KCTD8: variants seen among roughly 807,000 people sequenced by gnomAD.
KCTD8 encodes the protein BTB/POZ domain-containing protein KCTD8.
In KCTD8, 27 loss-of-function variants were observed where a neutral mutation model predicts 31.5. The observed-to-expected ratio is 0.86, with a 90% confidence interval of 0.63 to 1.18. KCTD8 has a LOEUF of 1.18. Ranked by LOEUF, KCTD8 falls within the 50% of genes most tolerant of loss-of-function variation. KCTD8 has a pLI of 0.00. For synonymous variants in KCTD8, 290 were observed against 280.0 expected (o/e 1.04, Z -0.36); for missense variants, 658 against 647.7 (o/e 1.02, Z -0.17).
intron 1 of KCTD8, among the ~76,000 whole-genome samples, chr4:44,437,586 T>C (rs753495281): frequency 5.3e-5 from 8 of 152,162 alleles, no homozygotes; most frequent in Non-Finnish European, 8.8e-5. Context: ...GAAAAGGTGT[T>C]TCACCTCAGT....
chr4:44,237,462 T>C (rs911212340), intron 1 of KCTD8, among the ~76,000 whole-genome samples: 1 of 152,306 alleles, frequency 6.6e-6, no homozygotes, highest in South Asian at 2.1e-4. Flanking sequence ...GAGTGGCCTG[T>C]AGTTCTGAGT....
chr4:44,347,796 T>C (rs111784237), intron 1 of KCTD8, among the ~76,000 whole-genome samples: 3 of 152,210 alleles, frequency 2.0e-5, no homozygotes, highest in Admixed American at 6.6e-5. Context: ...AGCAGTATTA[T>C]ATGCATAAAA....
chr4:44,353,692 T>C (rs957111192), intron 1 of KCTD8, among the ~76,000 whole-genome samples: 3 of 152,086 alleles, frequency 2.0e-5, no homozygotes, highest in Non-Finnish European at 4.4e-5. Flanking sequence ...ACCTCCCACA[T>C]ATTAGTGAAA....
At chr4:44,380,986 T>A (rs1193384201) in intron 1 of KCTD8, among the ~76,000 whole-genome samples, 2 of 152,060 alleles carry the variant, frequency 1.3e-5, no homozygotes, top group African/African-American at 4.8e-5. Context: ...TAAAATGTCA[T>A]AAACATTTGT....
chr4:44,444,036 G>C (rs1485749822), intron 1 of KCTD8, among the ~76,000 whole-genome samples: 2 of 152,102 alleles, frequency 1.3e-5, no homozygotes, highest in East Asian at 3.8e-4. Flanking sequence ...ATATGTTGCA[G>C]TGTACTAAAA....
chr4:44,285,152 A>G (rs1380724139), intron 1 of KCTD8, among the ~76,000 whole-genome samples: 1 of 152,228 alleles, frequency 6.6e-6, no homozygotes, highest in African/African-American at 2.4e-5. Flanking sequence ...AAATCATTCT[A>G]TGATAAAGAC....
chr4:44,355,908 C>T (rs1719329268), intron 1 of KCTD8, among the ~76,000 whole-genome samples: 1 of 149,984 alleles, frequency 6.7e-6, no homozygotes, highest in Admixed American at 6.7e-5. Context: ...TAAGTATAAT[C>T]ATTAAAGTAT....
chr4:44,388,950 A>C (rs540156383), intron 1 of KCTD8, among the ~76,000 whole-genome samples: 4 of 152,038 alleles, frequency 2.6e-5, no homozygotes, highest in Admixed American at 2.0e-4. Context: ...CATAAAAATG[A>C]ATGAAATCCT....
At chr4:44,400,226 G>A (rs1720611910) in intron 1 of KCTD8, among the ~76,000 whole-genome samples, 1 of 152,066 alleles carries the variant, frequency 6.6e-6, no homozygotes, top group South Asian at 2.1e-4. Flanking sequence ...GGCTTGTATT[G>A]CCTACCCAAC....
At chr4:44,356,391 A>T (rs1719342885) in intron 1 of KCTD8, among the ~76,000 whole-genome samples, 1 of 152,238 alleles carries the variant, frequency 6.6e-6, no homozygotes, top group Admixed American at 6.5e-5. Flanking sequence ...ATTGACAGTT[A>T]TTCAAGGAGA....
intron 1 of KCTD8, among the ~76,000 whole-genome samples, chr4:44,229,737 AAAAC>A (rs754342895): frequency 1.2e-4 from 18 of 152,106 alleles, no homozygotes; most frequent in Non-Finnish European, 2.2e-4. Flanking sequence ...CTTTTAAATG[AAAAC>A]AAACAGACAA....
chr4:44,368,537 C>T (rs1320821907), intron 1 of KCTD8, among the ~76,000 whole-genome samples: 1 of 152,132 alleles, frequency 6.6e-6, no homozygotes, highest in Non-Finnish European at 1.5e-5. Context: ...GTATGAAGAA[C>T]CCTTACAAAT....
intron 1 of KCTD8, among the ~76,000 whole-genome samples, chr4:44,391,385 C>T (rs1720365849): frequency 6.6e-6 from 1 of 151,876 alleles, no homozygotes; most frequent in South Asian, 2.1e-4. Context: ...CTACCTCCTC[C>T]ACCTCTTCCA....
At chr4:44,354,588 T>C (rs1560434145) in intron 1 of KCTD8, among the ~76,000 whole-genome samples, 1 of 152,146 alleles carries the variant, frequency 6.6e-6, no homozygotes, top group Non-Finnish European at 1.5e-5. Context: ...TATCAACTTA[T>C]TGAGCACTTA....
intron 1 of KCTD8, among the ~76,000 whole-genome samples, chr4:44,275,724 C>T (rs977336): frequency 6.6e-6 from 1 of 151,980 alleles, no homozygotes; most frequent in Non-Finnish European, 1.5e-5. Flanking sequence ...CAAACTGGTT[C>T]TAGGAAGTGG....
chr4:44,338,081 C>T (rs1330052801), intron 1 of KCTD8, among the ~76,000 whole-genome samples: 1 of 151,812 alleles, frequency 6.6e-6, no homozygotes, highest in Admixed American at 6.6e-5. Flanking sequence ...CATCATCAAC[C>T]TCTTATTATA....
chr4:44,364,757 G>A (rs573633306), intron 1 of KCTD8, among the ~76,000 whole-genome samples: 1 of 152,120 alleles, frequency 6.6e-6, no homozygotes, highest in African/African-American at 2.4e-5. Flanking sequence ...GAAATGACAT[G>A]GAGGGAACTT....
intron 1 of KCTD8, among the ~76,000 whole-genome samples, chr4:44,209,885 A>G (rs1422204453): frequency 6.6e-6 from 1 of 152,222 alleles, no homozygotes; most frequent in Non-Finnish European, 1.5e-5. Flanking sequence ...AGATTGAAGT[A>G]GTAAAAATGT....
intron 1 of KCTD8, among the ~76,000 whole-genome samples, chr4:44,388,470 A>C (rs1188951676): frequency 1.3e-5 from 2 of 152,008 alleles, no homozygotes; most frequent in Admixed American, 1.3e-4. Flanking sequence ...TCCATCAGTG[A>C]TAGACTGGAT....
Sources: allele counts gnomAD v4.1 joint callset (sites outside exome capture counted in the v4.1 genomes callset), GRCh38; gene constraint gnomAD v4.1.1; transcripts MANE v1.5; gene names NCBI Gene and HGNC (gene_info 2026-07-23, HGNC 2026-07-21).